Variants in SWAP70 observed in about 807,000 individuals in gnomAD.
SWAP70 encodes the protein switch-associated protein 70.
A neutral mutation model predicts 80.2 loss-of-function variants in SWAP70; 34 were observed. The ratio of observed to expected loss-of-function variants is 0.42; its 90% CI spans 0.32 to 0.56. The LOEUF (loss-of-function observed/expected upper bound fraction) is 0.56. Ranked by LOEUF, SWAP70 falls within the 20% of genes least tolerant of loss-of-function variation. The probability of loss-of-function intolerance (pLI) is 0.09; values close to 1 mark genes in which losing one functional copy is unlikely to be tolerated. For synonymous variants in SWAP70, 239 were observed against 238.5 expected, an observed-to-expected ratio of 1.00 and a Z score of -0.02; for missense variants, 578 against 690.7, an observed-to-expected ratio of 0.84 and a Z score of 1.83.
chr11:9,675,791 G>C (rs1434245786), intron 1 of SWAP70, among the ~76,000 whole-genome samples: 1 of 151,954 alleles, frequency 6.6e-6, no homozygotes, highest in Non-Finnish European at 1.5e-5. Flanking sequence ...CTACCGGGGA[G>C]CTCTGTCTCT....
intron 1 of SWAP70, among the ~76,000 whole-genome samples, chr11:9,672,326 T>G (rs1850428863): frequency 6.8e-6 from 1 of 147,550 alleles, no homozygotes; most frequent in Admixed American, 6.9e-5. Context: ...AATATTGACA[T>G]CATCTTTGGA....
chr11:9,738,145 TC>T, intron 7 of SWAP70, 67 bp from the exon 8 acceptor site: 1 of 1,065,322 alleles, frequency 9.4e-7, no homozygotes, highest in Non-Finnish European at 1.3e-6. Context: ...AGTATGACTG[TC>T]TCTCTCTCTT....
chr11:9,678,489 T>G (rs1419243899), intron 1 of SWAP70, among the ~76,000 whole-genome samples: 1 of 151,746 alleles, frequency 6.6e-6, no homozygotes, highest in African/African-American at 2.4e-5. Flanking sequence ...GTTTTTTTTT[T>G]TTTTTGGGAA....
intron 1 of SWAP70, among the ~76,000 whole-genome samples, chr11:9,669,710 G>A (rs1330709791): frequency 6.6e-6 from 1 of 152,170 alleles, no homozygotes; most frequent in Non-Finnish European, 1.5e-5. Context: ...TATTGCTGGT[G>A]ATAAAGCTAC....
chr11:9,750,063 C>T lies in SWAP70; in HGVS notation c.*93C>T, dbSNP rs898105144. 4 of 877,808 alleles carry T rather than the reference C, an allele frequency of 4.6e-6. No individual in the cohort carries two copies. The highest frequency in any genetic ancestry group is 3.0e-5 in the South Asian group (2 of 67,096). 54.4% of individuals were successfully genotyped at this position (877,808 alleles called of 1,614,324 possible). ...AAAAGAAACAGCTTTGGGGGCCGGG[C>T]GTGGTGGCTCACGCCTGTAATCCCA... On this transcript the variant is annotated 3_prime_UTR_variant, in exon 12 of 12. Transcript: ENST00000318950.
At chr11:9,713,787 A>T (rs564457774) in intron 3 of SWAP70, 148 bp downstream of exon 3, 3 of 923,946 alleles carry the variant, frequency 3.2e-6, no homozygotes, top group Non-Finnish European at 4.9e-6. Flanking sequence ...TGAGTATAGA[A>T]AAGCTCCAAA....
At chr11:9,677,086 C>T (rs994170823) in intron 1 of SWAP70, among the ~76,000 whole-genome samples, 1 of 151,112 alleles carries the variant, frequency 6.6e-6, no homozygotes, top group African/African-American at 2.4e-5. Context: ...TATGTGGATT[C>T]TATACTCTCT....
intron 1 of SWAP70, among the ~76,000 whole-genome samples, chr11:9,671,586 CTA>C (rs1491113897): frequency 8.5e-4 from 23 of 27,016 alleles, no homozygotes; most frequent in East Asian, 5.2e-3. Flanking sequence ...AAATATATTT[CTA>C]TATATAAATA....
intron 3 of SWAP70, 80 bp from the exon 4 acceptor site, chr11:9,724,578 T>A: frequency 1.9e-6 from 2 of 1,039,304 alleles, no homozygotes; most frequent in Admixed American, 2.6e-5. Context: ...GTTGAACTTA[T>A]CAGTGTTTAT....
intron 1 of SWAP70, among the ~76,000 whole-genome samples, chr11:9,683,969 G>A (rs1049548247): frequency 5.3e-5 from 8 of 152,080 alleles, no homozygotes; most frequent in African/African-American, 1.7e-4. Flanking sequence ...TGGGGCAGCC[G>A]AGGGAAACCT....
intron 9 of SWAP70, chr11:9,741,570 T>C (rs1851438291): frequency 6.6e-6 from 1 of 152,218 alleles, no homozygotes; most frequent in Non-Finnish European, 1.5e-5. Context: ...TGTTGAGAGT[T>C]AATAGATTGT....
chr11:9,689,857 G>C (rs1850674401), intron 1 of SWAP70, among the ~76,000 whole-genome samples: 1 of 152,166 alleles, frequency 6.6e-6, no homozygotes, highest in Non-Finnish European at 1.5e-5. Flanking sequence ...TGTCATCTCT[G>C]TTGGGCCCTG....
intron 1 of SWAP70, chr11:9,681,096 C>G (rs1041466533): frequency 6.5e-5 from 10 of 152,994 alleles, no homozygotes; most frequent in African/African-American, 2.4e-4. Flanking sequence ...TAGAGGAGGA[C>G]CAGTCTTCGG....
In SWAP70 at chr11:9,740,210, T is replaced by C; in HGVS notation, c.1218T>C (p.Ala406=). The C allele has an allele frequency of 1.9e-6, 3 of 1,614,172 alleles. No homozygotes were observed. The highest frequency in any genetic ancestry group is 1.6e-4 in the Middle Eastern group (1 of 6,062). The change falls in exon 9 of 12, where the codon GCT becomes GCC. Residue 406 remains alanine (A), a synonymous_variant. Transcript: ENST00000318950. ...GACAGCAGATGGAAGAACAGGTTGC[T>C]CAAAAGTCCTCTGAACTGGAACAGT... ...LIRQQMEEQV[A]QKSSELEQYL...
chr11:9,743,841 T>TG (rs1390966194), intron 9 of SWAP70, among the ~76,000 whole-genome samples: 2 of 152,306 alleles, frequency 1.3e-5, no homozygotes, highest in East Asian at 3.9e-4. Flanking sequence ...ATTCTTTTAA[T>TG]GGATAGTTCT....
intron 1 of SWAP70, among the ~76,000 whole-genome samples, chr11:9,692,970 G>C (rs896587529): frequency 6.6e-6 from 1 of 152,012 alleles, no homozygotes; most frequent in African/African-American, 2.4e-5. Context: ...CATAAATGAA[G>C]CTTTGAGAAA....
chr11:9,694,712 C>A (rs1362633335), intron 2 of SWAP70, among the ~76,000 whole-genome samples: 2 of 152,140 alleles, frequency 1.3e-5, no homozygotes. Flanking sequence ...TGAAAAAGCT[C>A]AACATCACTG....
chr11:9,673,747 C>T (rs967738810), intron 1 of SWAP70, among the ~76,000 whole-genome samples: 1 of 151,940 alleles, frequency 6.6e-6, no homozygotes, highest in Non-Finnish European at 1.5e-5. Context: ...TCTTTATGGC[C>T]AGCTCCAAGA....
intron 1 of SWAP70, among the ~76,000 whole-genome samples, chr11:9,671,292 T>A (rs1287928191): frequency 2.2e-5 from 2 of 92,476 alleles, no homozygotes; most frequent in Non-Finnish European, 1.9e-5. Flanking sequence ...AATATAAAAA[T>A]ATATAAAATA....
Sources: allele counts gnomAD v4.1 joint callset (sites outside exome capture counted in the v4.1 genomes callset), GRCh38; gene constraint gnomAD v4.1.1; transcripts MANE v1.5; gene names NCBI Gene and HGNC (gene_info 2026-07-23, HGNC 2026-07-21).